Variants in DNAH14 observed in about 807,000 individuals in gnomAD.
DNAH14 encodes axonemal beta dynein heavy chain 14.
DNAH14 carries 478 observed loss-of-function variants against 520.9 expected under a neutral mutation model. The ratio of observed to expected loss-of-function variants is 0.92; its 90% CI spans 0.85 to 0.99. DNAH14 has a LOEUF of 0.99. Ranked by LOEUF, DNAH14 falls within the 50% of genes least tolerant of loss-of-function variation. The pLI, the probability that DNAH14 is intolerant of heterozygous loss-of-function variation, is 0.00. For synonymous variants in DNAH14, 1,581 were observed against 1,757.2 expected (o/e 0.90, Z 2.51); for missense variants, 4,831 against 5,234.5 (o/e 0.92, Z 2.38).
At chr1:225,165,459 T>A (rs1052069759) in intron 35 of DNAH14, among the ~76,000 whole-genome samples, 1 of 152,150 alleles carries the variant, frequency 6.6e-6, no homozygotes, top group African/African-American at 2.4e-5. Flanking sequence ...GACTTTTCTG[T>A]TTCAAGAGTT....
chr1:225,047,066 T>C (rs1263274324), intron 15 of DNAH14, among the ~76,000 whole-genome samples: 1 of 152,230 alleles, frequency 6.6e-6, no homozygotes, highest in African/African-American at 2.4e-5. Context: ...GATGTGCTCA[T>C]TGCTACAGGA....
At chr1:225,242,678 A>G (rs1451629520) in intron 43 of DNAH14, among the ~76,000 whole-genome samples, 1 of 152,224 alleles carries the variant, frequency 6.6e-6, no homozygotes, top group African/African-American at 2.4e-5. Context: ...CTCTAAAATA[A>G]TGATAAAAAG....
At chr1:225,023,896 C>G in intron 11 of DNAH14, 31 bp downstream of exon 11, 1 of 1,496,418 alleles carries the variant, frequency 6.7e-7, no homozygotes, top group Non-Finnish European at 9.0e-7. Flanking sequence ...CAAAAAGTAA[C>G]TTACAATTAT....
chr1:225,258,125 C>A lies in DNAH14; in HGVS notation c.7024+7C>A. 6.8e-7 allele frequency: 1 copy of A among 1,480,194 alleles called. No homozygotes were observed. The highest frequency in any genetic ancestry group is 8.9e-7 in the Non-Finnish European group (1 of 1,119,178). 91.7% of individuals were successfully genotyped at this position (1,480,194 alleles called of 1,614,324 possible). ...TGCCCTGTACTTCTCACAGGTATTA[C>A]AAATATTTAATAGAAGGAGAATTTC... On this transcript the variant is annotated splice_region_variant and intron_variant, in intron 45 of 85. Coordinates refer to ENST00000682510, the MANE Select transcript of DNAH14 (RefSeq NM_001367479.1).
At chr1:224,957,313 A>G (rs2060579150) in intron 3 of DNAH14, among the ~76,000 whole-genome samples, 1 of 152,082 alleles carries the variant, frequency 6.6e-6, no homozygotes, top group African/African-American at 2.4e-5. Context: ...AAGGATCATG[A>G]GTTCAATTTT....
In DNAH14 at chr1:225,300,943, G is replaced by A; in HGVS notation, c.8544G>A (p.Leu2848=). ...RIPDLFENVE[L]DSIAMKIRYL... ...CTGACCTGTTTGAAAATGTTGAGCT[G>A]GATTCTATTGCAATGAAAATCAGAT... Residue 2848 remains leucine (L), a synonymous_variant, in exon 56 of 86, where the codon CTG becomes CTA. Coordinates refer to ENST00000682510, the MANE Select transcript of DNAH14 (RefSeq NM_001367479.1). 1 of 1,551,356 alleles carries A rather than the reference G, an allele frequency of 6.4e-7. No individual in the cohort carries two copies. The highest frequency in any genetic ancestry group is 1.2e-5 in the South Asian group (1 of 84,040).
At chr1:225,396,988 A>G (rs149660472) in intron 84 of DNAH14, 3 of 148,326 alleles carry the variant, frequency 2.0e-5, no homozygotes, top group African/African-American at 7.5e-5. Context: ...AAAGCATTAT[A>G]CAAAGCAATT....
In DNAH14 at chr1:225,043,962, A is replaced by T. The variant is rs1235960018; in HGVS notation, c.1891A>T (p.Thr631Ser). ...EFSVKIQNML[T>S]NMEKCITTIT... Reference sequence around the variant, plus strand: ...TTCAGTAAAAATTCAAAATATGTTGACTAATATGGAAAAATGTATAAGTAA... The same window carrying T: ...TTCAGTAAAAATTCAAAATATGTTGTCTAATATGGAAAAATGTATAAGTAA... Residue 631 changes from threonine (T) to serine (S), a missense_variant, in exon 15 of 86, where the codon ACT becomes TCT. Physicochemically the swap from Thr to Ser is moderately conservative, Grantham distance 58. Coordinates refer to ENST00000682510, the MANE Select transcript of DNAH14 (RefSeq NM_001367479.1). The T allele has an allele frequency of 2.0e-6, 3 of 1,500,912 alleles. No homozygotes were observed. The African/African-American group carries it at 4.2e-5, about 21-fold the overall frequency. The allele number at this position is 1,500,912 out of a possible 1,614,324, so 93.0% of individuals were successfully genotyped here. A position where few individuals can be genotyped will look rare whatever the true frequency, so the allele number is the denominator to read the frequency against.
chr1:225,382,871 T>C (rs1438064678), intron 81 of DNAH14, among the ~76,000 whole-genome samples: 1 of 152,136 alleles, frequency 6.6e-6, no homozygotes. Flanking sequence ...GCCAGCAAAA[T>C]GAATGAAGTA....
chr1:225,300,736 CT>C, intron 55 of DNAH14, 132 bp from the exon 56 acceptor site: 13 of 962,848 alleles, frequency 1.4e-5, no homozygotes, highest in Non-Finnish European at 1.9e-5. Context: ...GGGAGATTAG[CT>C]TTAAAAAAAA....
chr1:225,085,642 C>T lies in DNAH14; in HGVS notation c.3426C>T (p.Asn1142=), dbSNP rs1336120201. 3.2e-6 allele frequency: 5 copies of T among 1,551,066 alleles called. No homozygotes were observed. The highest frequency in any genetic ancestry group is 1.7e-4 in the Middle Eastern group (1 of 6,008). ...TATTTAAGATTATTGATTTTTGGAA[C>T]ACTACTCCTTTGCCTTTAATTCTTC... is the stretch of plus-strand genomic sequence containing the variant. The part of the protein sequence containing the change: ...KMLFKIIDFW[N]TTPLPLILHH... The change falls in exon 21 of 86, where the codon AAC becomes AAT. Residue 1142 remains asparagine, a synonymous_variant. Transcript: ENST00000682510.
chr1:225,352,019 A>G, intron 72 of DNAH14, 136 bp downstream of exon 72: 1 of 662,810 alleles, frequency 1.5e-6, no homozygotes, highest in East Asian at 2.8e-5. Flanking sequence ...TTCAGCATGC[A>G]CATGTTATTC....
intron 3 of DNAH14, among the ~76,000 whole-genome samples, chr1:224,958,516 T>C (rs1416188612): frequency 6.6e-6 from 1 of 151,970 alleles, no homozygotes; most frequent in Non-Finnish European, 1.5e-5. Flanking sequence ...TAATCTAAGC[T>C]GGATAAAGAG....
chr1:225,034,978 G>C (rs1436204435), intron 11 of DNAH14, among the ~76,000 whole-genome samples: 1 of 151,824 alleles, frequency 6.6e-6, no homozygotes, highest in Non-Finnish European at 1.5e-5. Context: ...TTCTTGATTA[G>C]TGTAGCTAGT....
At chr1:225,178,785 G>T (rs937123974) in intron 36 of DNAH14, among the ~76,000 whole-genome samples, 1 of 152,102 alleles carries the variant, frequency 6.6e-6, no homozygotes, top group Non-Finnish European at 1.5e-5. Context: ...GGGACCAGGG[G>T]TGGAATGATA....
intron 54 of DNAH14, 119 bp from the exon 55 acceptor site, chr1:225,289,765 TA>T (rs2093824153): frequency 3.2e-6 from 2 of 634,366 alleles, no homozygotes; most frequent in African/African-American, 1.9e-5. Flanking sequence ...AGGTTATAAA[TA>T]AAAATAGTCT....
chr1:225,141,052 A>G (rs925564846), intron 28 of DNAH14, 31 bp downstream of exon 28: 1 of 1,483,934 alleles, frequency 6.7e-7, no homozygotes, highest in Admixed American at 2.3e-5. Context: ...ACTACATACA[A>G]TAACTTCTCC....
intron 38 of DNAH14, among the ~76,000 whole-genome samples, chr1:225,197,421 C>T (rs1398851342): frequency 1.3e-5 from 2 of 151,992 alleles, no homozygotes; most frequent in Non-Finnish European, 2.9e-5. Flanking sequence ...TATACCAGTA[C>T]CATGCTGTTT....
rs540399454 is a variant in DNAH14, at chr1:225,201,736, C to T, written c.5887-2447C>T. On this transcript the variant is annotated intron_variant, in intron 38 of 85. Transcript: ENST00000682510. ...GTGAACCATCTATGGGTCTCTCAGC[C>T]ACGGGTAGCAGCAGCTGCTTCAGTG... Among the ~76,000 whole-genome samples, 4 of 152,214 alleles carry T rather than the reference C, an allele frequency of 2.6e-5. No homozygotes were observed. The South Asian group carries it at 8.3e-4, about 32-fold the overall frequency.
Sources: allele counts gnomAD v4.1 joint callset (sites outside exome capture counted in the v4.1 genomes callset), GRCh38; gene constraint gnomAD v4.1.1; transcripts MANE v1.5; gene names NCBI Gene and HGNC (gene_info 2026-07-23, HGNC 2026-07-21).